The following PTPN4 variants were observed in gnomAD, a reference collection of about 807,000 sequenced individuals.
The protein encoded by PTPN4 is protein tyrosine phosphatase non-receptor type 4.
Under a neutral mutation model 135.5 loss-of-function variants are expected in PTPN4, and 49 were observed. That is an observed-to-expected ratio of 0.36 (90% CI 0.29 to 0.46). The LOEUF is 0.46. Among genes scored for constraint, PTPN4 ranks in the 20% least tolerant of loss-of-function variants. PTPN4 has a pLI of 1.00. For missense variants in PTPN4, 860 were observed against 1,101.0 expected (o/e 0.78, Z 3.10); for synonymous variants, 333 against 369.9 (o/e 0.90, Z 1.14).
At chr2:119,785,517 T>C (rs867736082) in intron 1 of PTPN4, among the ~76,000 whole-genome samples, 1 of 152,196 alleles carries the variant, frequency 6.6e-6, no homozygotes. Flanking sequence ...TATACTGTTA[T>C]ATATTATATA....
chr2:119,790,793 T>C (rs1691130984), intron 1 of PTPN4, among the ~76,000 whole-genome samples: 1 of 152,210 alleles, frequency 6.6e-6, no homozygotes, highest in Non-Finnish European at 1.5e-5. Context: ...TATGTTGATA[T>C]TTTTAAATTT....
chr2:119,891,516 G>A (rs1225772168), intron 9 of PTPN4, among the ~76,000 whole-genome samples: 1 of 151,978 alleles, frequency 6.6e-6, no homozygotes, highest in Non-Finnish European at 1.5e-5. Flanking sequence ...GTAGAGATGG[G>A]GTTTCACCAC....
At chr2:119,896,323 AT>A (rs1678322992) in intron 9 of PTPN4, among the ~76,000 whole-genome samples, 1 of 152,132 alleles carries the variant, frequency 6.6e-6, no homozygotes, top group Non-Finnish European at 1.5e-5. Flanking sequence ...TCTCTTTTTA[AT>A]CTACAGGTTG....
At chr2:119,845,412 G>A (rs1294261871) in intron 2 of PTPN4, among the ~76,000 whole-genome samples, 1 of 151,984 alleles carries the variant, frequency 6.6e-6, no homozygotes, top group Non-Finnish European at 1.5e-5. Flanking sequence ...CTTATGATAG[G>A]TATATTTAAA....
At chr2:119,971,126 G>A (rs1679527370) in intron 26 of PTPN4, among the ~76,000 whole-genome samples, 1 of 152,184 alleles carries the variant, frequency 6.6e-6, no homozygotes, top group African/African-American at 2.4e-5. Context: ...TTGACTCACA[G>A]TTCCCCAGGC....
intron 15 of PTPN4, among the ~76,000 whole-genome samples, chr2:119,943,593 T>TC (rs1679091470): frequency 7.3e-6 from 1 of 137,474 alleles, no homozygotes; most frequent in Admixed American, 7.3e-5. Flanking sequence ...TTTTTTTTTT[T>TC]TTTTTTTTTT....
intron 10 of PTPN4, among the ~76,000 whole-genome samples, chr2:119,904,184 C>T (rs1362607276): frequency 1.3e-5 from 2 of 151,272 alleles, no homozygotes; most frequent in Non-Finnish European, 2.9e-5. Context: ...TCAAGAAAAC[C>T]ATTCATAATC....
intron 26 of PTPN4, among the ~76,000 whole-genome samples, chr2:119,974,752 G>A (rs191264386): frequency 3.9e-5 from 6 of 152,256 alleles, no homozygotes; most frequent in African/African-American, 1.4e-4. Context: ...TGAGCACTAA[G>A]GACTTTTATT....
chr2:119,792,547 T>A (rs1288005002), intron 1 of PTPN4, among the ~76,000 whole-genome samples: 2 of 152,236 alleles, frequency 1.3e-5, no homozygotes, highest in African/African-American at 4.8e-5. Flanking sequence ...AATTTGCACT[T>A]ATATTTACCA....
Position 119,824,950 on chromosome 2 carries a change from A to C in PTPN4, c.138+14959A>C, listed in dbSNP as rs368714606. 2.0e-5 allele frequency among the ~76,000 whole-genome samples: 3 copies of C among 152,312 alleles called. No homozygotes were observed. In the East Asian group the frequency reaches 5.8e-4, roughly 29 times the overall value. ...TGGTCCGCCTGCCTTGGCCTCCCAA[A>C]GTGCTGGGATTACAGGTATGAGCTA... On this transcript the variant is annotated intron_variant, in intron 2 of 26. Coordinates refer to ENST00000263708, the MANE Select transcript of PTPN4 (RefSeq NM_002830.4).
intron 3 of PTPN4, among the ~76,000 whole-genome samples, chr2:119,873,602 G>A (rs1185026260): frequency 2.0e-5 from 3 of 152,148 alleles, no homozygotes; most frequent in Non-Finnish European, 4.4e-5. Context: ...GGTTTGAAAA[G>A]ATTAGAAACA....
rs966509929 is a variant in PTPN4 at position 119,978,823 on chromosome 2, T to A, written c.*1753T>A. On this transcript the variant is annotated 3_prime_UTR_variant, in exon 27 of 27. Coordinates refer to ENST00000263708, the MANE Select transcript of PTPN4 (RefSeq NM_002830.4). ...GGGGAAGAGTACACATTTTAAATCT[T>A]TGGTATAATCTAAACGATGTCATTT... The A allele has an allele frequency of 1.3e-5, 2 of 152,072 alleles. No individual in the cohort carries two copies. The highest frequency in any genetic ancestry group is 2.4e-5 in the African/African-American group (1 of 41,434). 9.4% of individuals were successfully genotyped at this position (152,072 alleles called of 1,614,324 possible).
At position 119,900,813 on chromosome 2, in the gene PTPN4, A is replaced by G; in HGVS notation, c.764+7A>G. ...GAATGAATACCTTTCCATGGTAAGA[A>G]CATCTATTGATACTTTTATGTTTAC... On this transcript the variant is annotated splice_region_variant and intron_variant, in intron 10 of 26. Coordinates refer to ENST00000263708, the MANE Select transcript of PTPN4 (RefSeq NM_002830.4). 6.8e-7 allele frequency: 1 copy of G among 1,479,096 alleles called. No individual in the cohort carries two copies. The highest frequency in any genetic ancestry group is 9.3e-7 in the Non-Finnish European group (1 of 1,081,002). 91.6% of individuals were successfully genotyped at this position (1,479,096 alleles called of 1,614,324 possible). A position where few individuals can be genotyped will look rare whatever the true frequency, so the allele number is the denominator to read the frequency against.
intron 11 of PTPN4, among the ~76,000 whole-genome samples, chr2:119,917,435 A>G (rs1338884018): frequency 6.6e-6 from 1 of 152,158 alleles, no homozygotes; most frequent in African/African-American, 2.4e-5. Flanking sequence ...GGAGAAAGAA[A>G]GTAAAGATGG....
At chr2:119,803,644 C>CTA (rs1460630834) in intron 1 of PTPN4, among the ~76,000 whole-genome samples, 32 of 152,266 alleles carry the variant, frequency 2.1e-4, no homozygotes, top group African/African-American at 7.7e-4. Context: ...GTTGTCTTTG[C>CTA]TAGAGTGTTC....
At position 119,915,236 on chromosome 2, in the gene PTPN4, A is replaced by G; in HGVS notation, c.822A>G (p.Lys274=). 1.3e-6 allele frequency: 2 copies of G among 1,535,744 alleles called. No homozygotes were observed. The highest frequency in any genetic ancestry group is 1.4e-5 in the African/African-American group (1 of 70,466). ...KCKQFFIQLR[K]ELHESRETLL... is the part of the protein sequence containing the mutation. ...AACAGTTTTTTATTCAACTTAGAAA[A>G]GAATTGGTGAGTACGGATTTAATAA... Residue 274 remains lysine, a synonymous_variant, in exon 11 of 27, where the codon AAA becomes AAG. Coordinates refer to ENST00000263708, the MANE Select transcript of PTPN4 (RefSeq NM_002830.4).
intron 3 of PTPN4, among the ~76,000 whole-genome samples, chr2:119,870,904 ATGT>A (rs563108786): frequency 5.5e-4 from 84 of 152,218 alleles, no homozygotes; most frequent in Non-Finnish European, 1.1e-3. Flanking sequence ...TGTAAAGGAA[ATGT>A]TGATAGATTT....
intron 2 of PTPN4, among the ~76,000 whole-genome samples, chr2:119,828,035 A>C (rs1183472014): frequency 6.6e-6 from 1 of 152,172 alleles, no homozygotes; most frequent in East Asian, 1.9e-4. Flanking sequence ...TCCCAGTCAT[A>C]AGAAGCCTTG....
chr2:119,811,714 C>G (rs571006918), intron 2 of PTPN4, among the ~76,000 whole-genome samples: 23 of 151,992 alleles, frequency 1.5e-4, no homozygotes, highest in Non-Finnish European at 2.8e-4. Flanking sequence ...TTCATTTTAA[C>G]TATAGTTTTG....
Sources: allele counts gnomAD v4.1 joint callset (sites outside exome capture counted in the v4.1 genomes callset), GRCh38; gene constraint gnomAD v4.1.1; transcripts MANE v1.5; gene names NCBI Gene and HGNC (gene_info 2026-07-23, HGNC 2026-07-21).